LRRC28: variants seen among roughly 807,000 people sequenced by gnomAD.
LRRC28 encodes leucine rich repeat containing 28.
Under a neutral mutation model 45.7 loss-of-function variants are expected in LRRC28, and 39 were observed. That is an observed-to-expected ratio of 0.85 (90% confidence interval 0.66 to 1.12). LRRC28 has a LOEUF of 1.12. LRRC28 is among the 50% of genes most tolerant of loss of function. The probability of loss-of-function intolerance (pLI) is 0.00; values close to 1 mark genes in which losing one functional copy is unlikely to be tolerated. For missense variants in LRRC28, 435 were observed against 438.5 expected (o/e 0.99, Z 0.07); for synonymous variants, 206 against 178.8 (o/e 1.15, Z -1.22).
chr15:99,357,783 G>A (rs1394083694), intron 7 of LRRC28, among the ~76,000 whole-genome samples: 1 of 151,848 alleles, frequency 6.6e-6, no homozygotes, highest in Non-Finnish European at 1.5e-5. Flanking sequence ...CAATTATATT[G>A]GTATGTTAAG....
chr15:99,320,255 AT>A (rs1239847823), intron 5 of LRRC28, among the ~76,000 whole-genome samples: 1 of 152,068 alleles, frequency 6.6e-6, no homozygotes, highest in Non-Finnish European at 1.5e-5. Flanking sequence ...TAATTAATAG[AT>A]TTTCTCCGTG....
At chr15:99,251,603 C>G (rs2080786750) in intron 1 of LRRC28, 62 bp downstream of exon 1, 1 of 152,350 alleles carries the variant, frequency 6.6e-6, no homozygotes, top group Admixed American at 6.5e-5. Flanking sequence ...ACCCGGCCCC[C>G]CGGCGGGGAC....
At chr15:99,305,334 G>A (rs1020049713) in intron 5 of LRRC28, among the ~76,000 whole-genome samples, 8 of 152,092 alleles carry the variant, frequency 5.3e-5, no homozygotes, top group African/African-American at 1.7e-4. Flanking sequence ...TTACAGCGCT[G>A]AAACTTGGTT....
At chr15:99,382,314 A>T (rs539792467) in intron 9 of LRRC28, among the ~76,000 whole-genome samples, 66 of 152,306 alleles carry the variant, frequency 4.3e-4, no homozygotes, top group Middle Eastern at 3.4e-3. Context: ...CTCCGTGGGC[A>T]TGGGACCCTC....
intron 6 of LRRC28, among the ~76,000 whole-genome samples, chr15:99,334,955 A>G (rs1956276002): frequency 6.6e-6 from 1 of 152,328 alleles, no homozygotes; most frequent in Non-Finnish European, 1.5e-5. Context: ...ATTATTTTCA[A>G]TTTAATATGT....
At chr15:99,262,786 A>G (rs1375854028) in intron 2 of LRRC28, among the ~76,000 whole-genome samples, 6 of 151,404 alleles carry the variant, frequency 4.0e-5, no homozygotes, top group Non-Finnish European at 5.9e-5. Context: ...TGGGACTACA[A>G]GCACACACCA....
intron 6 of LRRC28, 136 bp from the exon 7 acceptor site, chr15:99,352,233 T>A (rs1039619817): frequency 7.7e-6 from 5 of 650,368 alleles, no homozygotes; most frequent in Non-Finnish European, 1.0e-5. Flanking sequence ...CATAACTTAC[T>A]TTATATAACA....
At chr15:99,351,886 G>A (rs1004730871) in intron 6 of LRRC28, among the ~76,000 whole-genome samples, 2 of 152,202 alleles carry the variant, frequency 1.3e-5, no homozygotes, top group Admixed American at 6.5e-5. Context: ...CAGCCAAGGA[G>A]CAAGGTGGTC....
intron 9 of LRRC28, among the ~76,000 whole-genome samples, chr15:99,371,352 C>T (rs889812469): frequency 1.3e-5 from 2 of 152,070 alleles, no homozygotes; most frequent in African/African-American, 2.4e-5. Context: ...TCTTCTGGGC[C>T]GGAGTGATTC....
chr15:99,313,372 C>G (rs563028687), intron 5 of LRRC28, among the ~76,000 whole-genome samples: 1 of 152,162 alleles, frequency 6.6e-6, no homozygotes, highest in African/African-American at 2.4e-5. Flanking sequence ...CCTCTCTTGG[C>G]ATCTGAGAAC....
intron 5 of LRRC28, among the ~76,000 whole-genome samples, chr15:99,309,482 C>T (rs537720368): frequency 6.6e-6 from 1 of 152,146 alleles, no homozygotes; most frequent in East Asian, 1.9e-4. Flanking sequence ...AATCTTGGCT[C>T]ACTGCAACCT....
chr15:99,377,345 T>C (rs1411411511), intron 9 of LRRC28, among the ~76,000 whole-genome samples: 3 of 152,194 alleles, frequency 2.0e-5, no homozygotes, highest in South Asian at 4.1e-4. Context: ...AAATGTCTTC[T>C]TTTGAGAAGT....
intron 6 of LRRC28, among the ~76,000 whole-genome samples, chr15:99,347,390 TA>T (rs1956724110): frequency 6.6e-6 from 1 of 152,176 alleles, no homozygotes; most frequent in African/African-American, 2.4e-5. Context: ...TTTGTATTTT[TA>T]GTAGAGACGG....
chr15:99,385,362 AAG>A (rs1394694990), intron 9 of LRRC28, among the ~76,000 whole-genome samples: 4 of 152,216 alleles, frequency 2.6e-5, no homozygotes, highest in African/African-American at 4.8e-5. Flanking sequence ...TGGAAACAAC[AAG>A]AGAGTCTTCT....
At chr15:99,354,512 T>G (rs1956988575) in intron 7 of LRRC28, among the ~76,000 whole-genome samples, 1 of 152,152 alleles carries the variant, frequency 6.6e-6, no homozygotes, top group Admixed American at 6.5e-5. Context: ...TAAAAGGACA[T>G]ACGTGTGTTG....
intron 2 of LRRC28, among the ~76,000 whole-genome samples, chr15:99,267,211 G>A (rs1374200387): frequency 6.6e-6 from 1 of 152,160 alleles, no homozygotes; most frequent in Non-Finnish European, 1.5e-5. Flanking sequence ...CTTAGCCGGT[G>A]GTTAGGTGAG....
chr15:99,289,384 C>T (rs1429711280), intron 5 of LRRC28, among the ~76,000 whole-genome samples: 4 of 152,152 alleles, frequency 2.6e-5, no homozygotes, highest in African/African-American at 4.8e-5. Flanking sequence ...AAAACCAACT[C>T]GAGAACACCA....
intron 6 of LRRC28, among the ~76,000 whole-genome samples, chr15:99,337,452 T>C (rs1956362432): frequency 6.6e-6 from 1 of 152,232 alleles, no homozygotes; most frequent in African/African-American, 2.4e-5. Flanking sequence ...CTCTCAGTTA[T>C]TTACTAGGGC....
At position 99,339,572 on chromosome 15, in the gene LRRC28, A is replaced by T. The variant is rs574007307; in HGVS notation, c.592+5443A>T. Reference sequence around the variant, plus strand: ...ATGGTGAAACCCCGTCTCTACTAAAAATACAAAAATTAGCTGGGTGTGGTG... The same window carrying T: ...ATGGTGAAACCCCGTCTCTACTAAATATACAAAAATTAGCTGGGTGTGGTG... On this transcript the variant is annotated intron_variant, in intron 6 of 9. Coordinates refer to ENST00000301981, the MANE Select transcript of LRRC28 (RefSeq NM_144598.5). 7.2e-5 allele frequency among the ~76,000 whole-genome samples: 11 copies of T among 152,318 alleles called. No individual in the cohort carries two copies. The South Asian group carries it at 2.3e-3, about 32-fold the overall frequency.
Sources: allele counts gnomAD v4.1 joint callset (sites outside exome capture counted in the v4.1 genomes callset), GRCh38; gene constraint gnomAD v4.1.1; transcripts MANE v1.5; gene names NCBI Gene and HGNC (gene_info 2026-07-23, HGNC 2026-07-21).